Variants in SART3 observed in about 807,000 individuals in gnomAD.
The protein encoded by SART3 is HIV-1 Tat-interacting protein of 110kDa.
Under a neutral mutation model 122.3 loss-of-function variants are expected in SART3, and 44 were observed. That is an observed-to-expected ratio of 0.36 (90% confidence interval 0.28 to 0.46). The LOEUF (loss-of-function observed/expected upper bound fraction) is 0.46, where lower values mean the gene tolerates loss of function less well. SART3 is among the 20% of genes least tolerant of loss of function. The pLI is 1.00. For missense variants in SART3, 1,101 were observed against 1,229.0 expected (o/e 0.90, Z 1.56); for synonymous variants, 442 against 454.0 (o/e 0.97, Z 0.34).
chr12:108,523,486 C>T lies in SART3; in HGVS notation c.2863G>A (p.Asp955Asn), dbSNP rs1479710257. 6.2e-7 allele frequency: 1 copy of T among 1,612,846 alleles called. No individual in the cohort carries two copies. The highest frequency in any genetic ancestry group is 2.2e-5 in the East Asian group (1 of 44,868). The change falls in exon 19 of 19, where the codon GAT becomes AAT. Residue 955 changes from aspartate to asparagine, a missense_variant. Asp to Asn is a conservative substitution (Grantham distance 23). This residue lies in a region of SART3 where 885 missense variants were observed against 1,080.1 expected (regional missense o/e 0.82). Coordinates refer to ENST00000546815, the MANE Select transcript of SART3 (RefSeq NM_014706.4). The stretch of plus-strand genomic sequence containing the variant: ...TTTCTCAGAAACAGCTTGGCAAAAT[C>T]GGCATTGGACATCTTGGGTGCCTCG... ...ATEAPKMSNA[D>N]FAKLFLRK
In SART3 at chr12:108,526,209, T is replaced by C; in HGVS notation, c.2260A>G (p.Lys754Glu). 1.2e-6 allele frequency: 2 copies of C among 1,614,238 alleles called. No homozygotes were observed. Among genetic ancestry groups the C allele is most frequent in the Non-Finnish European group, 1.7e-6 (2 of 1,180,036 alleles). ...GCCTGAAGGGCTGATTTCTCTTCTT[T>C]AAACTCCACGTAGCAGTAACCTCGG... ...DFRGYCYVEF[K>E]EEKSALQALE... Residue 754 changes from lysine to glutamate, a missense_variant, in exon 16 of 19, where the codon AAA (lysine) becomes GAA (glutamate). Transcript: ENST00000546815.
At chr12:108,542,991 TAG>T in intron 6 of SART3, 35 bp downstream of exon 6, 1 of 1,613,960 alleles carries the variant, frequency 6.2e-7, no homozygotes, top group East Asian at 2.2e-5. Flanking sequence ...GAAAGGTTTG[TAG>T]AGAGACGTTT....
chr12:108,544,472 T>C lies in SART3; in HGVS notation c.736A>G (p.Lys246Glu). Reference sequence around the variant, plus strand: ...TGTCGCCGGAAAAGACTGTGGACTTTCTCAAGCTGTGAATCAAAGGTTTGT... The same window carrying C: ...TGTCGCCGGAAAAGACTGTGGACTTCCTCAAGCTGTGAATCAAAGGTTTGT... ...SAIVEAARLE[K>E]VHSLFRRQLA... Residue 246 changes from lysine (K) to glutamate (E), a missense_variant, in exon 5 of 19, where the codon AAA (lysine) becomes GAA (glutamate). Transcript: ENST00000546815. 6.2e-7 allele frequency: 1 copy of C among 1,614,226 alleles called. No individual in the cohort carries two copies. Among genetic ancestry groups the C allele is most frequent in the Non-Finnish European group, 8.5e-7 (1 of 1,180,040 alleles).
At position 108,543,241 on chromosome 12, in the gene SART3, T is replaced by G. The variant is rs763558843; in HGVS notation, c.782-89A>C. 4.6e-4 allele frequency: 680 copies of G among 1,480,516 alleles called. 3 individuals are homozygous for G. The highest frequency in any genetic ancestry group is 3.5e-4 in the Non-Finnish European group (379 of 1,080,510). 91.7% of individuals were successfully genotyped at this position (1,480,516 alleles called of 1,614,324 possible). A position where few individuals can be genotyped will look rare whatever the true frequency, so the allele number is the denominator to read the frequency against. ...TTAAGCCATGAGACTCAGGTGCCAC[T>G]AGCCCCTCCCACATCTGTGGCATGG... On this transcript the variant is annotated intron_variant, in intron 5 of 18. Coordinates refer to ENST00000546815, the MANE Select transcript of SART3 (RefSeq NM_014706.4).
At chr12:108,532,588 G>C (rs1872726992) in intron 12 of SART3, 3 of 436,524 alleles carry the variant, frequency 6.9e-6, no homozygotes, top group Non-Finnish European at 1.3e-5. Context: ...ATTGTGATCT[G>C]CAACCAGCAT....
At chr12:108,560,770 G>A (rs1264708446) in intron 1 of SART3, 73 bp downstream of exon 1, 25 of 1,384,106 alleles carry the variant, frequency 1.8e-5, no homozygotes, top group Non-Finnish European at 2.4e-5. Flanking sequence ...GAGGACTAGG[G>A]AGGCGGGCCA....
At chr12:108,554,516 G>A (rs2030136502) in intron 1 of SART3, among the ~76,000 whole-genome samples, 1 of 151,938 alleles carries the variant, frequency 6.6e-6, no homozygotes, top group Non-Finnish European at 1.5e-5. Context: ...TTACCTCAAT[G>A]AAGAAATAGC....
At position 108,559,636 on chromosome 12, in the gene SART3, G is replaced by C. The variant is rs1016462993; in HGVS notation, c.312+1207C>G. Among the ~76,000 whole-genome samples, 3 of 136,066 alleles carry C rather than the reference G, an allele frequency of 2.2e-5. No individual in the cohort carries two copies. The Admixed American group carries it at 2.4e-4, about 11-fold the overall frequency. 89.3% of individuals were successfully genotyped at this position (136,066 alleles called of 152,430 possible). A position where few individuals can be genotyped will look rare whatever the true frequency, so the allele number is the denominator to read the frequency against. ...CACGAGATGGTGCCATTGCACTCCA[G>C]TCTGGGTGACAGGGCGAGACTCTGT... On this transcript the variant is annotated intron_variant, in intron 1 of 18. Coordinates refer to ENST00000546815, the MANE Select transcript of SART3 (RefSeq NM_014706.4).
chr12:108,554,858 C>T (rs1296705943), intron 1 of SART3, among the ~76,000 whole-genome samples: 2 of 151,876 alleles, frequency 1.3e-5, no homozygotes, highest in Non-Finnish European at 1.5e-5. Flanking sequence ...CAGATGATAT[C>T]AATGTATAGT....
chr12:108,523,567 G>T lies in SART3; in HGVS notation c.2782C>A (p.Pro928Thr). ...GCGGCAGGGCCGTTCTCAGCCTGAG[G>T]AGCTGCAGCACTTGGGCGCTGCAGG... ...RALQRPSAAA[P>T]QAENGPAAAP... Residue 928 changes from proline to threonine, a missense_variant, in exon 19 of 19, where the codon CCT becomes ACT. Coordinates refer to ENST00000546815, the MANE Select transcript of SART3 (RefSeq NM_014706.4). 6.2e-7 allele frequency: 1 copy of T among 1,614,128 alleles called. No homozygotes were observed. The highest frequency in any genetic ancestry group is 1.7e-5 in the Admixed American group (1 of 60,024).
intron 9 of SART3, chr12:108,537,171 G>A: frequency 2.3e-6 from 1 of 428,246 alleles, no homozygotes; most frequent in Non-Finnish European, 4.3e-6. Context: ...TCCCACAGAG[G>A]TACAAAGATT....
Position 108,561,102 on chromosome 12 carries a change from G to A in SART3, c.53C>T (p.Ala18Val). ...CTCCTCTCCGTCAGCCTTGGGCCCA[G>A]CCTTGGACTCAGCCTCGGGTTCTGA... ...SASEPEAESK[A>V]GPKADGEEDE... The change falls in exon 1 of 19, where the codon GCT (alanine) becomes GTT (valine). Residue 18 changes from alanine to valine, a missense_variant. Around this residue, in one of 2 missense-constraint regions of SART3, gnomAD observed 216 missense variants for 148.9 expected, o/e 1.45. Coordinates refer to ENST00000546815, the MANE Select transcript of SART3 (RefSeq NM_014706.4). 1 of 1,614,004 alleles carries A rather than the reference G, an allele frequency of 6.2e-7. No homozygotes were observed. The highest frequency in any genetic ancestry group is 8.5e-7 in the Non-Finnish European group (1 of 1,179,866).
At chr12:108,538,274 G>C (rs1249066003) in intron 7 of SART3, 71 bp from the exon 8 acceptor site, 7 of 1,547,736 alleles carry the variant, frequency 4.5e-6, no homozygotes, top group Non-Finnish European at 5.4e-6. Flanking sequence ...GACATTGCCA[G>C]CACGACCAAG....
At chr12:108,550,109 A>G (rs1409033849) in intron 1 of SART3, among the ~76,000 whole-genome samples, 1 of 152,108 alleles carries the variant, frequency 6.6e-6, no homozygotes, top group Non-Finnish European at 1.5e-5. Context: ...ACAGGTACAT[A>G]AAGTTTTATT....
At chr12:108,546,356 C>T (rs139400838) in intron 3 of SART3, among the ~76,000 whole-genome samples, 7 of 151,790 alleles carry the variant, frequency 4.6e-5, no homozygotes, top group Non-Finnish European at 7.4e-5. Flanking sequence ...CATGCCACCA[C>T]GCCTAGCTAG....
intron 17 of SART3, chr12:108,524,754 T>A: frequency 1.7e-6 from 1 of 572,428 alleles, no homozygotes; most frequent in Non-Finnish European, 3.1e-6. Flanking sequence ...CAGCACACCT[T>A]GTACGTGCTG....
rs1049590256 is a variant in SART3, at chr12:108,557,263, G to C, written c.312+3580C>G. Among the ~76,000 whole-genome samples the C allele has an allele frequency of 7.8e-5, 11 of 140,978 alleles. No individual in the cohort carries two copies. In the South Asian group the frequency reaches 2.2e-3, roughly 28 times the overall value. 92.5% of individuals were successfully genotyped at this position (140,978 alleles called of 152,430 possible). On this transcript the variant is annotated intron_variant, in intron 1 of 18. Transcript: ENST00000546815. ...GAATCTTGCTCTGTCACCCAGGCTG[G>C]AGTGCAGTGGTGTGATCTCAGTTCA...
chr12:108,530,141 C>T lies in SART3; in HGVS notation c.1915+1G>A. ...AACACAATTTCTCAAGAGCTCCTTA[C>T]CTTCTTCATCATCGCCCCACTCTTT... On this transcript the variant is annotated splice_donor_variant, in intron 15 of 18. Transcript: ENST00000546815. LOFTEE classifies it high-confidence loss of function. 1 of 1,614,102 alleles carries T rather than the reference C, an allele frequency of 6.2e-7. No individual in the cohort carries two copies. The highest frequency in any genetic ancestry group is 1.3e-5 in the African/African-American group (1 of 75,042).
In SART3 at chr12:108,561,052, T is replaced by C. The variant is rs1565871444; in HGVS notation, c.103A>G (p.Arg35Gly). Reference protein sequence around the residue: ...EEDEVKAARTRRKVLSRAVAA... With the variant: ...EEDEVKAARTGRKVLSRAVAA... ...ACAGCCCGCGATAACACCTTCCTCCTTGTCCTAGCCGCCTTAACCTCATCC... is the reference window on the plus strand; with the variant it reads ...ACAGCCCGCGATAACACCTTCCTCCCTGTCCTAGCCGCCTTAACCTCATCC... Residue 35 changes from arginine to glycine, a missense_variant, in exon 1 of 19, where the codon AGG (arginine) becomes GGG (glycine). Physicochemically the swap from Arg to Gly is moderately radical, Grantham distance 125 (BLOSUM62 -2). Around this residue, in one of 2 missense-constraint regions of SART3, gnomAD observed 216 missense variants for 148.9 expected, o/e 1.45. Transcript: ENST00000546815. The C allele has an allele frequency of 6.2e-7, 1 of 1,614,158 alleles. No homozygotes were observed. Among genetic ancestry groups the C allele is most frequent in the Non-Finnish European group, 8.5e-7 (1 of 1,179,998 alleles).
Sources: gnomAD v4.1 joint callset for allele counts (sites outside exome capture counted in the v4.1 genomes callset) on GRCh38, gnomAD v4.1.1 for gene constraint, gnomAD v4.1.1 regional missense constraint, MANE v1.5 for transcripts, NCBI Gene and HGNC (gene_info 2026-07-23, HGNC 2026-07-21) for gene names.